The following CRTC3 variants were observed in gnomAD, a reference collection of about 807,000 sequenced individuals.
CRTC3 encodes CREB-regulated transcription coactivator 3.
Under a neutral mutation model 74.5 loss-of-function variants are expected in CRTC3, and 26 were observed. The observed-to-expected ratio is 0.35, with a 90% CI of 0.26 to 0.48. CRTC3 has a LOEUF of 0.48. CRTC3 is among the 20% of genes least tolerant of loss of function. The pLI, the probability that CRTC3 is intolerant of heterozygous loss-of-function variation, is 0.99. For missense variants in CRTC3, 760 were observed against 787.3 expected, an observed-to-expected ratio of 0.97 and a Z score of 0.41; for synonymous variants, 377 against 325.8, an observed-to-expected ratio of 1.16 and a Z score of -1.69.
chr15:90,635,251 G>A (rs1237738770), intron 11 of CRTC3, among the ~76,000 whole-genome samples: 2 of 152,138 alleles, frequency 1.3e-5, no homozygotes, highest in African/African-American at 4.8e-5. Flanking sequence ...AAGCTGGCTG[G>A]CAGCTCTGTG....
intron 4 of CRTC3, among the ~76,000 whole-genome samples, chr15:90,602,872 G>A (rs1968110932): frequency 6.6e-6 from 1 of 152,048 alleles, no homozygotes; most frequent in Non-Finnish European, 1.5e-5. Context: ...TACTTGGGAG[G>A]CTGAAGCAGG....
At chr15:90,606,146 C>G (rs1267735764) in intron 5 of CRTC3, among the ~76,000 whole-genome samples, 5 of 152,006 alleles carry the variant, frequency 3.3e-5, no homozygotes, top group Non-Finnish European at 7.4e-5. Context: ...ATCCCAGCTA[C>G]TTGAGAGGCT....
At chr15:90,532,646 A>G (rs558750115) in intron 1 of CRTC3, among the ~76,000 whole-genome samples, 7 of 152,294 alleles carry the variant, frequency 4.6e-5, no homozygotes, top group African/African-American at 1.4e-4. Flanking sequence ...TACTTATCCT[A>G]TTCACCTAGT....
At chr15:90,635,155 C>T (rs1596148476) in intron 11 of CRTC3, 2 of 567,604 alleles carry the variant, frequency 3.5e-6, no homozygotes, top group Non-Finnish European at 3.2e-6. Flanking sequence ...CTAATGACAT[C>T]CAGTGTCTCC....
intron 6 of CRTC3, among the ~76,000 whole-genome samples, chr15:90,607,696 C>T (rs1000778600): frequency 6.6e-6 from 1 of 152,250 alleles, no homozygotes; most frequent in Non-Finnish European, 1.5e-5. Context: ...AGCACGCTCT[C>T]CCTCTTGGTG....
At chr15:90,603,406 G>A (rs896016323) in intron 4 of CRTC3, among the ~76,000 whole-genome samples, 45 of 151,898 alleles carry the variant, frequency 3.0e-4, no homozygotes, top group Non-Finnish European at 1.5e-4. Flanking sequence ...TCACGCCACT[G>A]CACTCCAGCC....
rs139642007 is a variant in CRTC3, at chr15:90,605,762, AAAG to A, written c.476+1319_476+1321del. On this transcript the variant is annotated intron_variant, in intron 5 of 14. Transcript: ENST00000268184. ...TGAGGCTGTCACTGGAATGAACCAC[AAAG>A]AAGCACTGTAGGCTAATGAAGTTGC... is the stretch of plus-strand genomic sequence containing the variant. 2.7e-3 allele frequency among the ~76,000 whole-genome samples: 407 copies of A among 152,344 alleles called. 2 individuals carry two copies. The highest frequency in any genetic ancestry group is 9.3e-3 in the African/African-American group (385 of 41,560).
Position 90,641,199 on chromosome 15 carries a change from G to C in CRTC3, c.1651G>C (p.Glu551Gln). 2.5e-6 allele frequency: 4 copies of C among 1,602,930 alleles called. No individual in the cohort carries two copies. Among genetic ancestry groups the C allele is most frequent in the Non-Finnish European group, 3.4e-6 (4 of 1,170,250 alleles). The change falls in exon 14 of 15, where the codon GAA (glutamate) becomes CAA (glutamine). Residue 551 changes from glutamate to glutamine, a missense_variant and splice_region_variant. Around this residue, in one of 2 missense-constraint regions of CRTC3, gnomAD observed 652 missense variants for 635.2 expected, o/e 1.03. Coordinates refer to ENST00000268184, the MANE Select transcript of CRTC3 (RefSeq NM_022769.5). The part of the protein sequence containing the change: ...CGSLPNTILP[E>Q]DSSTSLFKDL... ...GAGTCTCCCGAACACCATCCTGCCA[G>C]GTGAGCGAGCTATCCCTCAGCTTCT...
At chr15:90,572,900 T>C (rs1176038218) in intron 2 of CRTC3, among the ~76,000 whole-genome samples, 1 of 152,226 alleles carries the variant, frequency 6.6e-6, no homozygotes, top group Non-Finnish European at 1.5e-5. Flanking sequence ...TTAAAAAAAC[T>C]GTGGTTAAAA....
chr15:90,590,344 A>T (rs1476626704), intron 2 of CRTC3, among the ~76,000 whole-genome samples: 1 of 152,140 alleles, frequency 6.6e-6, no homozygotes, highest in African/African-American at 2.4e-5. Context: ...TACTCTGCAG[A>T]TATAACCATG....
At chr15:90,536,163 T>C (rs2151054071) in intron 1 of CRTC3, among the ~76,000 whole-genome samples, 1 of 152,320 alleles carries the variant, frequency 6.6e-6, no homozygotes, top group East Asian at 1.9e-4. Context: ...TTTTTGACAA[T>C]AGCACACTGT....
chr15:90,619,958 A>G (rs958828583), intron 9 of CRTC3, 168 bp downstream of exon 9: 3 of 619,560 alleles, frequency 4.8e-6, no homozygotes, highest in Non-Finnish European at 8.7e-6. Flanking sequence ...CTCATATTTC[A>G]TCTGTTTAAA....
chr15:90,561,004 A>G (rs956303261), intron 2 of CRTC3, among the ~76,000 whole-genome samples: 3 of 152,220 alleles, frequency 2.0e-5, no homozygotes, highest in Non-Finnish European at 4.4e-5. Flanking sequence ...GATGGTCACA[A>G]GTGCAGTCCC....
intron 2 of CRTC3, among the ~76,000 whole-genome samples, chr15:90,565,443 T>G (rs549544728): frequency 6.6e-6 from 1 of 152,314 alleles, no homozygotes; most frequent in South Asian, 2.1e-4. Flanking sequence ...TTAGGACAAA[T>G]TTTTGAGTGA....
intron 2 of CRTC3, among the ~76,000 whole-genome samples, chr15:90,543,357 T>G (rs1966835428): frequency 1.3e-5 from 2 of 148,680 alleles, no homozygotes; most frequent in Non-Finnish European, 3.0e-5. Flanking sequence ...TTAAAGTAAC[T>G]CTTTTCCCCT....
Position 90,592,981 on chromosome 15 carries a change from C to T in CRTC3, c.232-655C>T, listed in dbSNP as rs560644465. ...CAGCCTGGCCAACATGGTGCAACCC[C>T]GTCTCTACTAAAAATACAAAAATTA... On this transcript the variant is annotated intron_variant, in intron 2 of 14. Coordinates refer to ENST00000268184, the MANE Select transcript of CRTC3 (RefSeq NM_022769.5). Among the ~76,000 whole-genome samples the T allele has an allele frequency of 5.7e-4, 87 of 152,144 alleles. No individual in the cohort carries two copies. The South Asian group carries it at 0.017, about 30-fold the overall frequency.
chr15:90,627,843 T>C (rs1968893613), intron 10 of CRTC3, among the ~76,000 whole-genome samples: 1 of 87,634 alleles, frequency 1.1e-5, no homozygotes, highest in Non-Finnish European at 2.7e-5. Context: ...CTTGATCTCC[T>C]GACCTCATGA....
chr15:90,575,201 A>G (rs1025879626), intron 2 of CRTC3, among the ~76,000 whole-genome samples: 1 of 152,174 alleles, frequency 6.6e-6, no homozygotes, highest in East Asian at 1.9e-4. Flanking sequence ...AAATATAAAA[A>G]TTAGATGGGC....
chr15:90,625,732 C>G (rs781029607), intron 9 of CRTC3, 44 bp from the exon 10 acceptor site: 1 of 1,558,210 alleles, frequency 6.4e-7, no homozygotes, highest in Non-Finnish European at 8.9e-7. Flanking sequence ...TTCCCAACAG[C>G]CAAATACATT....
Sources: allele counts gnomAD v4.1 joint callset (sites outside exome capture counted in the v4.1 genomes callset), GRCh38; gene constraint gnomAD v4.1.1; regional missense constraint gnomAD v4.1.1; transcripts MANE v1.5; gene names NCBI Gene and HGNC (gene_info 2026-07-23, HGNC 2026-07-21).